KANK4: variants seen among roughly 807,000 people sequenced by gnomAD.
KANK4 encodes the protein KN motif and ankyrin repeat domain-containing protein 4.
A neutral mutation model predicts 80.8 loss-of-function variants in KANK4; 50 were observed. The observed-to-expected ratio is 0.62, with a 90% confidence interval of 0.49 to 0.78. The LOEUF (loss-of-function observed/expected upper bound fraction) is 0.78, where lower values mean the gene tolerates loss of function less well. Ranked by LOEUF, KANK4 falls within the 30% of genes least tolerant of loss-of-function variation. The pLI is 0.00. For missense variants in KANK4, 1,196 were observed against 1,240.1 expected (o/e 0.96, Z 0.53); for synonymous variants, 465 against 506.9 (o/e 0.92, Z 1.11).
At chr1:62,277,605 C>T (rs555708608) in intron 2 of KANK4, among the ~76,000 whole-genome samples, 185 of 152,252 alleles carry the variant, frequency 1.2e-3, no homozygotes, top group African/African-American at 4.2e-3. Context: ...AGCCAGCTGC[C>T]GTGTAATAAG....
intron 7 of KANK4, among the ~76,000 whole-genome samples, chr1:62,261,307 C>A (rs143319134): frequency 2.0e-5 from 3 of 151,928 alleles, no homozygotes; most frequent in African/African-American, 7.3e-5. Flanking sequence ...TACAGGCATG[C>A]GTCACTACCA....
At chr1:62,288,363 T>C (rs1199840344) in intron 1 of KANK4, among the ~76,000 whole-genome samples, 2 of 152,238 alleles carry the variant, frequency 1.3e-5, no homozygotes, top group African/African-American at 2.4e-5. Flanking sequence ...GAGGTTCAGC[T>C]ATCTGAAGAA....
At chr1:62,292,559 T>C (rs569223048) in intron 1 of KANK4, among the ~76,000 whole-genome samples, 7 of 152,334 alleles carry the variant, frequency 4.6e-5, no homozygotes, top group Admixed American at 3.9e-4. Context: ...TGAAATCCTA[T>C]AGTAAATAAC....
chr1:62,268,191 G>A (rs953811091), intron 5 of KANK4, 96 bp downstream of exon 5: 126 of 952,248 alleles, frequency 1.3e-4, no homozygotes, highest in Middle Eastern at 3.2e-4. Flanking sequence ...AAATGGATGG[G>A]TACATGAATG....
intron 1 of KANK4, among the ~76,000 whole-genome samples, chr1:62,310,391 A>G (rs970203638): frequency 2.0e-5 from 3 of 152,042 alleles, no homozygotes; most frequent in Non-Finnish European, 2.9e-5. Flanking sequence ...TGCAGGGAGG[A>G]CTGGAGAGAG....
At chr1:62,281,228 A>T (rs1672444635) in intron 2 of KANK4, among the ~76,000 whole-genome samples, 1 of 152,194 alleles carries the variant, frequency 6.6e-6, no homozygotes, top group Non-Finnish European at 1.5e-5. Flanking sequence ...GAAATAATTA[A>T]CATCTTTAAG....
intron 7 of KANK4, among the ~76,000 whole-genome samples, chr1:62,257,237 G>A (rs1473957243): frequency 1.3e-5 from 2 of 152,090 alleles, no homozygotes; most frequent in African/African-American, 4.8e-5. Flanking sequence ...ACAGGCATGC[G>A]CCACCACGCC....
At chr1:62,305,300 T>C (rs1048425325) in intron 1 of KANK4, among the ~76,000 whole-genome samples, 6 of 140,066 alleles carry the variant, frequency 4.3e-5, no homozygotes, top group Non-Finnish European at 9.2e-5. Flanking sequence ...TGTTGATGAA[T>C]TGCTTGAGAT....
intron 1 of KANK4, among the ~76,000 whole-genome samples, chr1:62,282,952 T>C (rs1257673663): frequency 6.6e-6 from 1 of 151,812 alleles, no homozygotes; most frequent in South Asian, 2.1e-4. Flanking sequence ...GAGCTGAGAG[T>C]GTAGGTGGTC....
chr1:62,246,764 AT>A (rs573139827), intron 9 of KANK4, among the ~76,000 whole-genome samples: 398 of 140,390 alleles, frequency 2.8e-3, no homozygotes, highest in African/African-American at 4.1e-3. Flanking sequence ...TACCTGGTTA[AT>A]TTTTTTTTTT....
At chr1:62,255,081 T>G (rs965330518) in intron 7 of KANK4, among the ~76,000 whole-genome samples, 4 of 151,408 alleles carry the variant, frequency 2.6e-5, no homozygotes, top group Non-Finnish European at 5.9e-5. Context: ...GAGACCGGGT[T>G]TCACCATGTT....
intron 1 of KANK4, among the ~76,000 whole-genome samples, chr1:62,292,484 C>T (rs922928054): frequency 6.6e-6 from 1 of 152,184 alleles, no homozygotes; most frequent in Non-Finnish European, 1.5e-5. Context: ...CCATTCCTCT[C>T]ACCAGACCCC....
At position 62,268,312 on chromosome 1, in the gene KANK4, C is replaced by G. The variant is rs900980050; in HGVS notation, c.2206G>C (p.Glu736Gln). Residue 736 changes from glutamate to glutamine, a missense_variant, in exon 5 of 10, where the codon GAA (glutamate) becomes CAA (glutamine). Glu to Gln is a conservative substitution (Grantham distance 29). This residue lies in a region of KANK4 where 1,154 missense variants were observed against 1,179.6 expected (regional missense o/e 0.98). Transcript: ENST00000371153. ...CTCTCGGCCTTGGAGTGGGGGACTT[C>G]TTCCCCAGGCCCACTTTCCTGGGCA... ...HAAQESGPGEEVPHSKAERYK... is the reference protein window; with the variant it reads ...HAAQESGPGEQVPHSKAERYK... 1 of 1,613,646 alleles carries G rather than the reference C, an allele frequency of 6.2e-7. No homozygotes were observed. The highest frequency in any genetic ancestry group is 1.7e-4 in the Middle Eastern group (1 of 5,924).
chr1:62,247,711 C>T (rs1185502719), intron 8 of KANK4, 39 bp from the exon 9 acceptor site: 19 of 1,587,770 alleles, frequency 1.2e-5, no homozygotes, highest in Non-Finnish European at 1.6e-5. Flanking sequence ...AGGTTGCTGC[C>T]AGTGGGGAAG....
intron 6 of KANK4, among the ~76,000 whole-genome samples, chr1:62,266,411 C>T (rs539731193): frequency 7.9e-5 from 12 of 151,348 alleles, no homozygotes; most frequent in Non-Finnish European, 1.5e-4. Context: ...TCACACTGTG[C>T]ACCGTACGCT....
At chr1:62,312,038 G>A (rs1644501934) in intron 1 of KANK4, among the ~76,000 whole-genome samples, 1 of 152,092 alleles carries the variant, frequency 6.6e-6, no homozygotes. Context: ...GACTGGTGAA[G>A]CCTATGGACT....
At chr1:62,257,670 T>C (rs1253542557) in intron 7 of KANK4, among the ~76,000 whole-genome samples, 1 of 152,142 alleles carries the variant, frequency 6.6e-6, no homozygotes, top group Non-Finnish European at 1.5e-5. Flanking sequence ...CACCCCAGGT[T>C]TGAGAGTGTG....
chr1:62,245,103 A>T (rs1218050962), intron 9 of KANK4, among the ~76,000 whole-genome samples: 2 of 152,198 alleles, frequency 1.3e-5, no homozygotes, highest in Admixed American at 6.5e-5. Context: ...TTCGGGCATC[A>T]GCAGTGGCTA....
intron 1 of KANK4, among the ~76,000 whole-genome samples, chr1:62,302,681 G>A (rs1644421404): frequency 6.6e-6 from 1 of 152,108 alleles, no homozygotes; most frequent in Non-Finnish European, 1.5e-5. Context: ...TATGAACCAG[G>A]AAGAGGGTTG....
Sources: gnomAD v4.1 joint callset for allele counts (sites outside exome capture counted in the v4.1 genomes callset) on GRCh38, gnomAD v4.1.1 for gene constraint, gnomAD v4.1.1 regional missense constraint, MANE v1.5 for transcripts, NCBI Gene and HGNC (gene_info 2026-07-23, HGNC 2026-07-21) for gene names.